The following SLC9A9 variants were observed in gnomAD, a reference collection of about 807,000 sequenced individuals.
SLC9A9 encodes sodium/hydrogen exchanger 9.
SLC9A9 carries 62 observed loss-of-function variants against 77.8 expected under a neutral mutation model. That is an observed-to-expected ratio of 0.80 (90% CI 0.65 to 0.98). SLC9A9 has a LOEUF of 0.98. Among genes scored for constraint, SLC9A9 ranks in the 50% least tolerant of loss-of-function variants. The probability of loss-of-function intolerance (pLI) is 0.00; values close to 1 mark genes in which losing one functional copy is unlikely to be tolerated. For missense variants in SLC9A9, 775 were observed against 774.9 expected, an observed-to-expected ratio of 1.00 and a Z score of 0.00; for synonymous variants, 320 against 283.5, an observed-to-expected ratio of 1.13 and a Z score of -1.29.
At chr3:143,361,506 A>C (rs981849842) in intron 14 of SLC9A9, among the ~76,000 whole-genome samples, 2 of 152,196 alleles carry the variant, frequency 1.3e-5, no homozygotes, top group Non-Finnish European at 2.9e-5. Flanking sequence ...AAAATAACAG[A>C]TATATTAAGA....
In SLC9A9 at chr3:143,266,761, C is replaced by T. The variant is rs749374988; in HGVS notation, c.1879G>A (p.Gly627Ser). 1.5e-5 allele frequency: 25 copies of T among 1,614,060 alleles called. No homozygotes were observed. The highest frequency in any genetic ancestry group is 1.5e-4 in the Admixed American group (9 of 60,002). The change falls in exon 16 of 16, where the codon GGC (glycine) becomes AGC (serine). Residue 627 changes from glycine (G) to serine (S), a missense_variant. Coordinates refer to ENST00000316549, the MANE Select transcript of SLC9A9 (RefSeq NM_173653.4). The part of the protein sequence containing the change: ...GKENIYEGDL[G>S]LGGYELKLEQ... ...AGCTTGAGTTCATAGCCTCCCAGGC[C>T]GAGGTCTCCCTCATAAATGTTTTCC...
chr3:143,725,786 A>C (rs1220726293), intron 4 of SLC9A9, among the ~76,000 whole-genome samples: 2 of 150,812 alleles, frequency 1.3e-5, no homozygotes, highest in East Asian at 3.9e-4. Context: ...ACCTAATGCT[A>C]AATGACAAGT....
intron 6 of SLC9A9, among the ~76,000 whole-genome samples, chr3:143,583,654 C>A (rs1006111527): frequency 6.6e-6 from 1 of 152,178 alleles, no homozygotes; most frequent in Non-Finnish European, 1.5e-5. Context: ...ACCAACCACA[C>A]TGGGTTGCTA....
intron 4 of SLC9A9, among the ~76,000 whole-genome samples, chr3:143,762,528 G>C (rs1186246778): frequency 6.6e-6 from 1 of 152,106 alleles, no homozygotes; most frequent in African/African-American, 2.4e-5. Flanking sequence ...ATAAATCTTT[G>C]TAATGGGTTG....
intron 13 of SLC9A9, among the ~76,000 whole-genome samples, chr3:143,377,152 T>C (rs1254613507): frequency 1.3e-5 from 2 of 152,242 alleles, no homozygotes; most frequent in East Asian, 1.9e-4. Flanking sequence ...AATTAATCTC[T>C]TCCCTTCTTG....
chr3:143,356,771 C>A (rs1368917756), intron 14 of SLC9A9, among the ~76,000 whole-genome samples: 3 of 152,234 alleles, frequency 2.0e-5, no homozygotes, highest in East Asian at 3.9e-4. Flanking sequence ...CGCTTCCACC[C>A]CCTAAGGTGC....
chr3:143,624,442 GA>G (rs1315784235), intron 6 of SLC9A9, among the ~76,000 whole-genome samples: 1 of 152,140 alleles, frequency 6.6e-6, no homozygotes, highest in Non-Finnish European at 1.5e-5. Flanking sequence ...TCATCCCTGG[GA>G]TGCAAGACTG....
chr3:143,359,615 T>C (rs150467024), intron 14 of SLC9A9, among the ~76,000 whole-genome samples: 179 of 152,186 alleles, frequency 1.2e-3, no homozygotes, highest in African/African-American at 4.2e-3. Context: ...AAGAGTAGGA[T>C]AGGAGGGGCT....
intron 5 of SLC9A9, among the ~76,000 whole-genome samples, chr3:143,665,903 C>G (rs71416641): frequency 2.6e-5 from 4 of 152,160 alleles, no homozygotes; most frequent in African/African-American, 9.7e-5. Context: ...ACCAGAGGTA[C>G]AAAGAGGAGC....
intron 12 of SLC9A9, among the ~76,000 whole-genome samples, chr3:143,386,456 G>A (rs1250423085): frequency 2.0e-5 from 3 of 152,200 alleles, no homozygotes; most frequent in Non-Finnish European, 4.4e-5. Context: ...TGTGACCTGT[G>A]TCACTCACTC....
At chr3:143,428,744 T>C (rs1054572082) in intron 12 of SLC9A9, among the ~76,000 whole-genome samples, 2 of 152,102 alleles carry the variant, frequency 1.3e-5, no homozygotes, top group Non-Finnish European at 2.9e-5. Flanking sequence ...CACACGAATA[T>C]TAACCATAAA....
chr3:143,666,462 A>G (rs1441528522), intron 5 of SLC9A9, among the ~76,000 whole-genome samples: 1 of 152,218 alleles, frequency 6.6e-6, no homozygotes, highest in Admixed American at 6.5e-5. Flanking sequence ...CCTATTCAAC[A>G]TAGTGTTGGA....
chr3:143,694,028 CTGAT>C (rs1398934262), intron 4 of SLC9A9, among the ~76,000 whole-genome samples: 2 of 152,034 alleles, frequency 1.3e-5, no homozygotes, highest in African/African-American at 2.4e-5. Context: ...ATTTAACTGA[CTGAT>C]TGATTTTGCT....
chr3:143,408,420 C>A (rs761141645), intron 12 of SLC9A9, among the ~76,000 whole-genome samples: 1 of 152,178 alleles, frequency 6.6e-6, no homozygotes. Flanking sequence ...TAGCAATGTT[C>A]ATAAGGCCTG....
intron 9 of SLC9A9, 126 bp from the exon 10 acceptor site, chr3:143,495,574 G>A: frequency 2.8e-6 from 2 of 710,286 alleles, no homozygotes; most frequent in Non-Finnish European, 5.0e-6. Context: ...CTTTGGCCGT[G>A]TGCTTAGCCT....
At chr3:143,682,407 A>AT (rs879645280) in intron 5 of SLC9A9, among the ~76,000 whole-genome samples, 3 of 152,172 alleles carry the variant, frequency 2.0e-5, no homozygotes, top group Admixed American at 6.5e-5. Context: ...CAATTTTATT[A>AT]TTTTAAATCA....
intron 13 of SLC9A9, among the ~76,000 whole-genome samples, chr3:143,369,300 T>C (rs1178443148): frequency 6.6e-6 from 1 of 152,206 alleles, no homozygotes. Flanking sequence ...ACATGGAACT[T>C]ACCTGCAGGT....
chr3:143,373,143 C>T (rs1408272754), intron 13 of SLC9A9, among the ~76,000 whole-genome samples: 1 of 152,150 alleles, frequency 6.6e-6, no homozygotes, highest in Non-Finnish European at 1.5e-5. Flanking sequence ...AAAAAGACAC[C>T]TGCACATGTA....
At chr3:143,296,828 G>T (rs541553523) in intron 14 of SLC9A9, among the ~76,000 whole-genome samples, 1 of 152,060 alleles carries the variant, frequency 6.6e-6, no homozygotes. Flanking sequence ...TCATCTGTAC[G>T]TCTTCTTCAG....
Sources: gnomAD v4.1 joint callset for allele counts (sites outside exome capture counted in the v4.1 genomes callset) on GRCh38, gnomAD v4.1.1 for gene constraint, MANE v1.5 for transcripts, NCBI Gene and HGNC (gene_info 2026-07-23, HGNC 2026-07-21) for gene names.